CREB3L2: variants seen among roughly 807,000 people sequenced by gnomAD.
CREB3L2 encodes cAMP responsive element binding protein 3 like 2, also known as cyclic AMP-responsive element-binding protein 3-like protein 2.
A neutral mutation model predicts 57.2 loss-of-function variants in CREB3L2; 23 were observed. The observed-to-expected ratio is 0.40, with a 90% CI of 0.29 to 0.57. The LOEUF is 0.57. CREB3L2 is among the 20% of genes least tolerant of loss of function. The probability of loss-of-function intolerance (pLI) is 0.42; values close to 1 mark genes in which losing one functional copy is unlikely to be tolerated. For synonymous variants in CREB3L2, 268 were observed against 265.1 expected (o/e 1.01, Z -0.11); for missense variants, 628 against 634.7 (o/e 0.99, Z 0.11).
chr7:137,912,822 A>C, intron 4 of CREB3L2, 169 bp downstream of exon 4: 1 of 1,518,730 alleles, frequency 6.6e-7, no homozygotes, highest in Non-Finnish European at 8.8e-7. Flanking sequence ...TAGCTTGCAA[A>C]ATTTTTATTT....
chr7:137,994,317 C>A (rs1801948720), intron 1 of CREB3L2, among the ~76,000 whole-genome samples: 2 of 152,228 alleles, frequency 1.3e-5, no homozygotes, highest in Non-Finnish European at 1.5e-5. Flanking sequence ...AATATTTGAA[C>A]AGCCATATGC....
At chr7:137,966,007 T>C (rs1469806646) in intron 1 of CREB3L2, among the ~76,000 whole-genome samples, 1 of 152,198 alleles carries the variant, frequency 6.6e-6, no homozygotes, top group East Asian at 1.9e-4. Flanking sequence ...TACCAAGTTC[T>C]CGTATGCTTT....
chr7:137,946,892 A>ATATAGTTATC (rs1801000887), intron 1 of CREB3L2, among the ~76,000 whole-genome samples: 1 of 47,286 alleles, frequency 2.1e-5, no homozygotes, highest in South Asian at 6.2e-4. Flanking sequence ...ATATAGTTAT[A>ATATAGTTATC]TATATAGTTA....
At chr7:137,901,501 G>A in intron 7 of CREB3L2, 79 bp from the exon 8 acceptor site, 4 of 884,576 alleles carry the variant, frequency 4.5e-6, no homozygotes, top group Non-Finnish European at 5.6e-6. Flanking sequence ...AGGTAGGTGG[G>A]GATGAGGAAA....
chr7:137,967,217 C>A (rs1801423433), intron 1 of CREB3L2, among the ~76,000 whole-genome samples: 1 of 152,216 alleles, frequency 6.6e-6, no homozygotes, highest in Admixed American at 6.5e-5. Flanking sequence ...CTTTCAGTCT[C>A]CAGAGCTGTA....
chr7:137,987,698 T>C (rs913196575), intron 1 of CREB3L2, among the ~76,000 whole-genome samples: 5 of 152,210 alleles, frequency 3.3e-5, no homozygotes, highest in African/African-American at 1.2e-4. Flanking sequence ...TTTCTGTTTT[T>C]GGAGAGACAG....
intron 1 of CREB3L2, among the ~76,000 whole-genome samples, chr7:137,988,456 A>C (rs1309615793): frequency 6.6e-6 from 1 of 152,252 alleles, no homozygotes; most frequent in Non-Finnish European, 1.5e-5. Flanking sequence ...ATGTCATACA[A>C]AAATGGAACC....
chr7:138,001,591 G>T lies in CREB3L2; in HGVS notation c.102+13C>A, dbSNP rs745950215. 3 of 1,599,148 alleles carry T rather than the reference G, an allele frequency of 1.9e-6. No homozygotes were observed. Among genetic ancestry groups the T allele is most frequent in the Admixed American group, 3.4e-5 (2 of 58,614 alleles). Reference sequence around the variant, plus strand: ...CTTTGAAAGCCCTCCTGCCCCGCCCGCCGGGTCCTCACCGTGTGGTACATG... The same window carrying T: ...CTTTGAAAGCCCTCCTGCCCCGCCCTCCGGGTCCTCACCGTGTGGTACATG... On this transcript the variant is annotated intron_variant, in intron 1 of 11. Coordinates refer to ENST00000330387, the MANE Select transcript of CREB3L2 (RefSeq NM_194071.4). The surrounding 1 kb of genome is among the most constrained non-coding windows in gnomAD (Gnocchi z 4.2).
intron 8 of CREB3L2, among the ~76,000 whole-genome samples, chr7:137,893,308 C>A (rs965368319): frequency 2.0e-5 from 3 of 152,142 alleles, no homozygotes; most frequent in Admixed American, 6.5e-5. Context: ...GTTTAGTACC[C>A]AATAATCCTT....
intron 4 of CREB3L2, 71 bp downstream of exon 4, chr7:137,912,920 G>A (rs759708121): frequency 1.8e-5 from 28 of 1,593,264 alleles, no homozygotes; most frequent in African/African-American, 2.7e-5. Context: ...CAGCTCTCTC[G>A]CCATATTCCC....
At chr7:137,922,721 C>T in intron 2 of CREB3L2, 1 of 430,204 alleles carries the variant, frequency 2.3e-6, no homozygotes, top group Non-Finnish European at 4.7e-6. Context: ...AAAACCCAAG[C>T]ACAGGGAGGG....
intron 1 of CREB3L2, chr7:137,956,542 G>C (rs1446845938): frequency 7.8e-6 from 9 of 1,156,268 alleles, no homozygotes; most frequent in Non-Finnish European, 9.2e-6. Flanking sequence ...CACCTGAGCT[G>C]CTTTCAAACT....
chr7:137,945,318 C>A (rs1358846958), intron 1 of CREB3L2, among the ~76,000 whole-genome samples: 1 of 152,074 alleles, frequency 6.6e-6, no homozygotes, highest in Admixed American at 6.5e-5. Flanking sequence ...TTTTTTAATT[C>A]TTCTTATCTA....
chr7:137,916,298 G>A (rs1383441405), intron 2 of CREB3L2, among the ~76,000 whole-genome samples: 1 of 152,204 alleles, frequency 6.6e-6, no homozygotes, highest in African/African-American at 2.4e-5. Flanking sequence ...AGAAACCTGG[G>A]TTGATGGGGA....
intron 1 of CREB3L2, among the ~76,000 whole-genome samples, chr7:138,000,153 G>C (rs992887665): frequency 6.6e-6 from 1 of 152,230 alleles, no homozygotes; most frequent in African/African-American, 2.4e-5. Context: ...TGCTGGATGA[G>C]ACACTGTCAC....
At chr7:137,984,119 G>C (rs1585676778) in intron 1 of CREB3L2, among the ~76,000 whole-genome samples, 1 of 152,188 alleles carries the variant, frequency 6.6e-6, no homozygotes, top group Admixed American at 6.5e-5. Flanking sequence ...GTCATTCTCA[G>C]CCATCTCACA....
intron 1 of CREB3L2, among the ~76,000 whole-genome samples, chr7:137,963,227 T>C (rs1343446454): frequency 1.3e-5 from 2 of 152,212 alleles, no homozygotes; most frequent in Non-Finnish European, 2.9e-5. Flanking sequence ...CTCCGGAGGC[T>C]CTAAGCCAGA....
Position 137,970,505 on chromosome 7 carries a change from G to C in CREB3L2, c.102+31099C>G, listed in dbSNP as rs111406126. Among the ~76,000 whole-genome samples the C allele has an allele frequency of 6.4e-3, 940 of 146,554 alleles. 12 individuals are homozygous for C. The highest frequency in any genetic ancestry group is 0.022 in the African/African-American group (888 of 40,038). On this transcript the variant is annotated intron_variant, in intron 1 of 11. Coordinates refer to ENST00000330387, the MANE Select transcript of CREB3L2 (RefSeq NM_194071.4). ...TATAAACTAAGTTTCCTAACTTTAC[G>C]TTCAGGGTGAATCACTTGCAATGAA...
At chr7:137,946,798 A>ATATAGTTATC (rs1800991400) in intron 1 of CREB3L2, among the ~76,000 whole-genome samples, 3 of 72,964 alleles carry the variant, frequency 4.1e-5, no homozygotes, top group African/African-American at 1.2e-4. Context: ...ATATAGTTAT[A>ATATAGTTATC]TATAGTTATA....
Sources: allele counts gnomAD v4.1 joint callset (sites outside exome capture counted in the v4.1 genomes callset), GRCh38; gene constraint gnomAD v4.1.1; non-coding constraint Gnocchi (gnomAD v3.1); transcripts MANE v1.5; gene names NCBI Gene and HGNC (gene_info 2026-07-23, HGNC 2026-07-21).